RERG: variants seen among roughly 807,000 people sequenced by gnomAD.
RERG encodes ras-related and estrogen-regulated growth inhibitor.
A neutral mutation model predicts 23.2 loss-of-function variants in RERG; 25 were observed. The ratio of observed to expected loss-of-function variants is 1.08; its 90% CI spans 0.79 to 1.50. The LOEUF (loss-of-function observed/expected upper bound fraction) is 1.50. Ranked by LOEUF, RERG falls within the 40% of genes most tolerant of loss-of-function variation. The pLI is 0.00. For synonymous variants in RERG, 81 were observed against 89.1 expected (o/e 0.91, Z 0.51); for missense variants, 253 against 250.1 (o/e 1.01, Z -0.08).
intron 2 of RERG, among the ~76,000 whole-genome samples, chr12:15,149,963 CA>C (rs1319677645): frequency 3.9e-5 from 6 of 152,172 alleles, no homozygotes; most frequent in Admixed American, 6.5e-5. Flanking sequence ...CTGAGAGTTA[CA>C]ACCCACTGAG....
intron 2 of RERG, among the ~76,000 whole-genome samples, chr12:15,208,861 T>A (rs1865329295): frequency 6.6e-6 from 1 of 152,160 alleles, no homozygotes; most frequent in South Asian, 2.1e-4. Flanking sequence ...AAACACACCA[T>A]GTGTCCTTCT....
At chr12:15,166,562 TTGGTGGTGG>T (rs1277262863) in intron 2 of RERG, among the ~76,000 whole-genome samples, 1 of 149,376 alleles carries the variant, frequency 6.7e-6, no homozygotes, top group African/African-American at 2.5e-5. Context: ...GGTGGTGGTG[TTGGTGGTGG>T]TGGTGGTGGT....
At chr12:15,213,993 AGTATGTGTGT>A (rs1166522025) in intron 2 of RERG, among the ~76,000 whole-genome samples, 2 of 89,326 alleles carry the variant, frequency 2.2e-5, no homozygotes, top group African/African-American at 7.1e-5. Context: ...AAACAGAGAA[AGTATGTGTGT>A]GTGTGTGTGT....
intron 2 of RERG, among the ~76,000 whole-genome samples, chr12:15,165,010 A>C (rs1864666867): frequency 6.6e-6 from 1 of 152,210 alleles, no homozygotes; most frequent in African/African-American, 2.4e-5. Flanking sequence ...TTGAGGTCTC[A>C]AACAGCTCCT....
chr12:15,118,964 T>TA (rs1262481702), intron 3 of RERG, among the ~76,000 whole-genome samples: 3 of 152,284 alleles, frequency 2.0e-5, no homozygotes, highest in Admixed American at 2.0e-4. Context: ...TTCCCCAAGG[T>TA]ATTATGAAGT....
chr12:15,149,903 G>A (rs11056372), intron 2 of RERG, among the ~76,000 whole-genome samples: 4,370 of 152,248 alleles, frequency 0.029, 96 homozygotes, highest in Non-Finnish European at 0.044. Flanking sequence ...ATTACTAATC[G>A]ATCATGTCAT....
rs930956290 is a variant in RERG at position 15,108,515 on chromosome 12, C to T, written c.*595G>A. On this transcript the variant is annotated 3_prime_UTR_variant, in exon 5 of 5. Coordinates refer to ENST00000256953, the MANE Select transcript of RERG (RefSeq NM_032918.3). ...AATGATCAATAGATCATTGAGAGAA[C>T]CAACTCAAATTGAAATGAATTCTCT... is the stretch of plus-strand genomic sequence containing the variant. 5 of 152,494 alleles carry T rather than the reference C, an allele frequency of 3.3e-5. No homozygotes were observed. Among genetic ancestry groups the T allele is most frequent in the African/African-American group, 1.2e-4 (5 of 41,408 alleles). The allele number at this position is 152,494 out of a possible 1,614,324, so 9.4% of individuals were successfully genotyped here.
chr12:15,152,706 G>T (rs1864462572), intron 2 of RERG, among the ~76,000 whole-genome samples: 1 of 152,138 alleles, frequency 6.6e-6, no homozygotes, highest in Non-Finnish European at 1.5e-5. Flanking sequence ...TTGCTCTGAA[G>T]AAATGTATTT....
At chr12:15,138,050 G>T in intron 2 of RERG, 1 of 251,748 alleles carries the variant, frequency 4.0e-6, no homozygotes, top group Non-Finnish European at 8.1e-6. Flanking sequence ...CTAGGTCGGT[G>T]GATTTTCTTT....
intron 2 of RERG, among the ~76,000 whole-genome samples, chr12:15,129,278 CAA>C (rs34234575): frequency 4.7e-4 from 64 of 135,268 alleles, no homozygotes; most frequent in South Asian, 1.4e-3. Flanking sequence ...AATAAGATGT[CAA>C]AAAAAAAAAA....
chr12:15,198,886 C>G (rs1865180751), intron 2 of RERG, among the ~76,000 whole-genome samples: 1 of 152,162 alleles, frequency 6.6e-6, no homozygotes, highest in African/African-American at 2.4e-5. Flanking sequence ...AATCATGTGA[C>G]TAGGTTGGGC....
intron 2 of RERG, among the ~76,000 whole-genome samples, chr12:15,202,590 T>C (rs528314327): frequency 4.0e-4 from 61 of 151,920 alleles, no homozygotes; most frequent in Admixed American, 9.2e-4. Context: ...CATAATGTTT[T>C]CCAGGCCCAT....
intron 2 of RERG, among the ~76,000 whole-genome samples, chr12:15,140,448 A>C (rs1864218269): frequency 6.6e-6 from 1 of 152,022 alleles, no homozygotes. Context: ...AAATCATTTA[A>C]AAAATAAGAA....
chr12:15,109,418 G>T lies in RERG; in HGVS notation c.292C>A (p.Leu98Ile), dbSNP rs138705978. The T allele has an allele frequency of 2.7e-5, 44 of 1,613,980 alleles. No individual in the cohort carries two copies. The Middle Eastern group carries it at 8.2e-4, about 30-fold the overall frequency. Residue 98 changes from leucine to isoleucine, a missense_variant, in exon 5 of 5, where the codon CTT (leucine) becomes ATT (isoleucine). Physicochemically the swap from Leu to Ile is conservative, Grantham distance 5 (BLOSUM62 2). Coordinates refer to ENST00000256953, the MANE Select transcript of RERG (RefSeq NM_032918.3). Reference protein sequence around the residue: ...DRGSFEEVLPLKNILDEIKKP... With the variant: ...DRGSFEEVLPIKNILDEIKKP... Reference sequence around the variant, plus strand: ...TTGATCTCATCTAGGATGTTCTTAAGTGGCAGCACTTCCTCAAAACTTCCT... The same window carrying T: ...TTGATCTCATCTAGGATGTTCTTAATTGGCAGCACTTCCTCAAAACTTCCT...
intron 2 of RERG, among the ~76,000 whole-genome samples, chr12:15,126,157 T>TATATATATATATATATATATATA (rs1555120854): frequency 1.4e-4 from 8 of 55,462 alleles, no homozygotes; most frequent in South Asian, 5.2e-4. Flanking sequence ...ATATATGTAT[T>TATATATATATATATATATATATA]TACACACATA....
intron 2 of RERG, among the ~76,000 whole-genome samples, chr12:15,187,780 A>G (rs1865013632): frequency 6.6e-6 from 1 of 151,920 alleles, no homozygotes; most frequent in Non-Finnish European, 1.5e-5. Context: ...GCTGGTCTTG[A>G]ACTCCTGACC....
At position 15,109,013 on chromosome 12, in the gene RERG, A is replaced by C; in HGVS notation, c.*97T>G. ...AATGGGAAGCCCAGACATTTCTCAG[A>C]ATCCAAACAAAGAATGCAATATTTT... On this transcript the variant is annotated 3_prime_UTR_variant, in exon 5 of 5. Transcript: ENST00000256953. The C allele has an allele frequency of 8.0e-7, 1 of 1,251,164 alleles. No individual in the cohort carries two copies. Among genetic ancestry groups the C allele is most frequent in the Middle Eastern group, 2.8e-4 (1 of 3,538 alleles). The allele number at this position is 1,251,164 out of a possible 1,614,324, so 77.5% of individuals were successfully genotyped here.
In RERG at chr12:15,161,659, T is replaced by C. The variant is rs377540031; in HGVS notation, c.62-40540A>G. On this transcript the variant is annotated intron_variant, in intron 2 of 4. Transcript: ENST00000256953. The stretch of plus-strand genomic sequence containing the variant: ...AGCACCTATTTTGAATCAGAACCTA[T>C]GTTAGGAGCCTGGACTTGAACCATA... Among the ~76,000 whole-genome samples the C allele has an allele frequency of 1.5e-3, 226 of 152,300 alleles. 6 individuals carry two copies. The South Asian group carries it at 0.045, about 30-fold the overall frequency.
chr12:15,218,126 T>A (rs1242846314), intron 1 of RERG: 1 of 152,336 alleles, frequency 6.6e-6, no homozygotes, highest in African/African-American at 2.4e-5. Context: ...TGAATTCCTG[T>A]GACAGATACA....
Sources: gnomAD v4.1 joint callset for allele counts (sites outside exome capture counted in the v4.1 genomes callset) on GRCh38, gnomAD v4.1.1 for gene constraint, MANE v1.5 for transcripts, NCBI Gene and HGNC (gene_info 2026-07-23, HGNC 2026-07-21) for gene names.